The following ROBO2 variants were observed in gnomAD, a reference collection of about 807,000 sequenced individuals.
ROBO2 encodes roundabout homolog 2.
A neutral mutation model predicts 160.8 loss-of-function variants in ROBO2; 53 were observed. The observed-to-expected ratio is 0.33, with a 90% CI of 0.26 to 0.41. The LOEUF is 0.41. ROBO2 is among the 10% of genes least tolerant of loss of function. The pLI, the probability that ROBO2 is intolerant of heterozygous loss-of-function variation, is 1.00. For missense variants in ROBO2, 1,577 were observed against 1,722.4 expected, an observed-to-expected ratio of 0.92 and a Z score of 1.49; for synonymous variants, 664 against 611.7, an observed-to-expected ratio of 1.09 and a Z score of -1.26.
intron 2 of ROBO2, among the ~76,000 whole-genome samples, chr3:76,598,280 G>T (rs1213444840): frequency 6.6e-6 from 1 of 151,974 alleles, no homozygotes; most frequent in African/African-American, 2.4e-5. Flanking sequence ...GGGAAGGAAG[G>T]GAAGAGGAAA....
intron 2 of ROBO2, among the ~76,000 whole-genome samples, chr3:76,289,723 C>G (rs574807743): frequency 6.6e-6 from 1 of 152,222 alleles, no homozygotes; most frequent in South Asian, 2.1e-4. Flanking sequence ...AGCCAGTTAT[C>G]CCAGCATAAT....
intron 2 of ROBO2, among the ~76,000 whole-genome samples, chr3:76,571,694 C>T (rs1560170018): frequency 6.6e-6 from 1 of 151,988 alleles, no homozygotes; most frequent in Non-Finnish European, 1.5e-5. Flanking sequence ...AGTACTAAGA[C>T]TGTTTAAGTT....
intron 2 of ROBO2, among the ~76,000 whole-genome samples, chr3:76,305,034 A>G (rs2107755677): frequency 6.6e-6 from 1 of 151,920 alleles, no homozygotes; most frequent in East Asian, 1.9e-4. Context: ...TATAAATAGG[A>G]TATTTTACAT....
At position 76,650,076 on chromosome 3, in the gene ROBO2, C is replaced by A. The variant is rs116284945; in HGVS notation, c.110-447938C>A. Among the ~76,000 whole-genome samples, 427 of 152,244 alleles carry A rather than the reference C, an allele frequency of 2.8e-3. 1 individual carries two copies. Among genetic ancestry groups the A allele is most frequent in the Admixed American group, 9.2e-3 (140 of 15,286 alleles). ...TATTTCAACCTTCTCACCCATTCAT[C>A]CCTTTCCAACACAACCTTATTCCCA... On this transcript the variant is annotated intron_variant, in intron 2 of 26. Transcript: ENST00000487694.
intron 1 of ROBO2, among the ~76,000 whole-genome samples, chr3:75,932,514 C>T (rs1947589204): frequency 6.6e-6 from 1 of 152,168 alleles, no homozygotes; most frequent in Non-Finnish European, 1.5e-5. Context: ...AGTTGTGATA[C>T]AACATTTCCT....
intron 2 of ROBO2, among the ~76,000 whole-genome samples, chr3:76,161,423 T>C (rs541991118): frequency 6.6e-6 from 1 of 152,252 alleles, no homozygotes; most frequent in Admixed American, 6.5e-5. Flanking sequence ...AAACACATCA[T>C]TGGTAAAAAT....
chr3:76,082,298 A>G (rs1197192035), intron 2 of ROBO2, among the ~76,000 whole-genome samples: 2 of 152,134 alleles, frequency 1.3e-5, no homozygotes, highest in Non-Finnish European at 2.9e-5. Flanking sequence ...CAGAAAGTTA[A>G]TGGATTGGGA....
chr3:76,640,731 T>G (rs773182156), intron 2 of ROBO2, among the ~76,000 whole-genome samples: 1 of 151,758 alleles, frequency 6.6e-6, no homozygotes, highest in African/African-American at 2.4e-5. Flanking sequence ...TATTCTTTAA[T>G]AAAAGGAACC....
chr3:77,046,130 G>A (rs1413011134), intron 1 of ROBO2, among the ~76,000 whole-genome samples: 1 of 152,186 alleles, frequency 6.6e-6, no homozygotes, highest in East Asian at 1.9e-4. Flanking sequence ...ATGCTGGGTT[G>A]TATGTTTAGT....
At chr3:76,410,756 C>T (rs2075445367) in intron 2 of ROBO2, among the ~76,000 whole-genome samples, 1 of 152,116 alleles carries the variant, frequency 6.6e-6, no homozygotes, top group Non-Finnish European at 1.5e-5. Context: ...TGAGAATATA[C>T]ATGTCTTTAA....
At chr3:75,986,672 A>AT (rs1381104396) in intron 2 of ROBO2, among the ~76,000 whole-genome samples, 2 of 151,312 alleles carry the variant, frequency 1.3e-5, no homozygotes, top group African/African-American at 4.8e-5. Context: ...GTTTTATAGT[A>AT]TTTTTTGTAT....
intron 2 of ROBO2, among the ~76,000 whole-genome samples, chr3:76,285,188 A>G (rs1559719320): frequency 6.6e-6 from 1 of 152,128 alleles, no homozygotes; most frequent in East Asian, 1.9e-4. Context: ...TCAAGTAGTC[A>G]TTTACTGGAT....
At chr3:76,141,005 G>A (rs2106754099) in intron 2 of ROBO2, among the ~76,000 whole-genome samples, 1 of 113,708 alleles carries the variant, frequency 8.8e-6, no homozygotes, top group Admixed American at 9.5e-5. Context: ...AAGTTGATGA[G>A]GCATATAACT....
intron 2 of ROBO2, among the ~76,000 whole-genome samples, chr3:77,174,409 C>T (rs2150771862): frequency 6.6e-6 from 1 of 152,022 alleles, no homozygotes; most frequent in East Asian, 1.9e-4. Context: ...TAATAGGCTT[C>T]AAATGAAAAA....
At chr3:76,358,714 G>C (rs2075321106) in intron 2 of ROBO2, among the ~76,000 whole-genome samples, 1 of 151,972 alleles carries the variant, frequency 6.6e-6, no homozygotes, top group African/African-American at 2.4e-5. Flanking sequence ...TCTAGGTTCA[G>C]ACAATAGGCA....
chr3:76,401,475 A>G (rs553262989), intron 2 of ROBO2, among the ~76,000 whole-genome samples: 105 of 151,686 alleles, frequency 6.9e-4, no homozygotes, highest in African/African-American at 2.4e-3. Flanking sequence ...TGTAACATGT[A>G]ACATAGATGG....
intron 2 of ROBO2, among the ~76,000 whole-genome samples, chr3:76,927,403 A>G (rs1220519506): frequency 2.0e-5 from 3 of 152,160 alleles, no homozygotes; most frequent in African/African-American, 4.8e-5. Flanking sequence ...TAAAAGCTCT[A>G]TAGTTTTCTT....
intron 2 of ROBO2, among the ~76,000 whole-genome samples, chr3:76,801,322 T>C (rs1024737024): frequency 6.6e-6 from 1 of 152,294 alleles, no homozygotes; most frequent in East Asian, 1.9e-4. Flanking sequence ...CATATAGTTA[T>C]ATACAAAGAA....
intron 2 of ROBO2, among the ~76,000 whole-genome samples, chr3:76,122,851 A>C (rs1465384212): frequency 6.6e-6 from 1 of 152,094 alleles, no homozygotes; most frequent in Non-Finnish European, 1.5e-5. Context: ...ATGTTTTGTG[A>C]TCTAAATTAT....
Sources: gnomAD v4.1 joint callset for allele counts (sites outside exome capture counted in the v4.1 genomes callset) on GRCh38, gnomAD v4.1.1 for gene constraint, MANE v1.5 for transcripts, NCBI Gene and HGNC (gene_info 2026-07-23, HGNC 2026-07-21) for gene names.